The following RANBP10 variants were observed in gnomAD, a reference collection of about 807,000 sequenced individuals.
RANBP10 encodes the protein RAN binding protein 10.
Under a neutral mutation model 72.8 loss-of-function variants are expected in RANBP10, and 24 were observed. That is an observed-to-expected ratio of 0.33 (90% CI 0.24 to 0.46). The LOEUF is 0.46. RANBP10 is among the 20% of genes least tolerant of loss of function. The pLI is 1.00. For synonymous variants in RANBP10, 310 were observed against 322.3 expected, an observed-to-expected ratio of 0.96 and a Z score of 0.41; for missense variants, 679 against 817.5, an observed-to-expected ratio of 0.83 and a Z score of 2.07.
intron 3 of RANBP10, among the ~76,000 whole-genome samples, chr16:67,762,048 G>T (rs772140462): frequency 3.3e-5 from 5 of 152,182 alleles, no homozygotes; most frequent in Admixed American, 6.6e-5. Context: ...TTGAGGCCAG[G>T]AGTTCAAGAT....
intron 2 of RANBP10, among the ~76,000 whole-genome samples, chr16:67,779,753 C>T (rs2054777107): frequency 6.6e-6 from 1 of 152,160 alleles, no homozygotes; most frequent in Admixed American, 6.6e-5. Flanking sequence ...CAGTATGATG[C>T]TGGGGACATA....
intron 6 of RANBP10, among the ~76,000 whole-genome samples, chr16:67,734,149 G>A (rs1235020232): frequency 6.6e-6 from 1 of 152,212 alleles, no homozygotes; most frequent in Non-Finnish European, 1.5e-5. Context: ...CTAGCACCCT[G>A]GTGCCTTTGC....
chr16:67,746,297 C>T (rs968673376), intron 3 of RANBP10, among the ~76,000 whole-genome samples: 10 of 151,480 alleles, frequency 6.6e-5, no homozygotes, highest in Non-Finnish European at 1.0e-4. Context: ...CTGGCTAACA[C>T]GGTGAAACCC....
In RANBP10 at chr16:67,727,832, C is replaced by T. The variant is rs888917887; in HGVS notation, c.1539G>A (p.Leu513=). The change falls in exon 12 of 14, where the codon CTG becomes CTA. Residue 513 remains leucine (L), a synonymous_variant. Transcript: ENST00000317506. ...GNQAATERII[L]FGRELQALSE... ...TCAATGCCTGCAACTCGCGGCCAAA[C>T]AGAATGATCCTTTCTGTGGCAGCCT... 6.2e-6 allele frequency: 10 copies of T among 1,614,110 alleles called. No individual in the cohort carries two copies. Among genetic ancestry groups the T allele is most frequent in the Non-Finnish European group, 8.5e-6 (10 of 1,180,058 alleles).
chr16:67,799,329 C>T (rs1198898423), intron 2 of RANBP10, among the ~76,000 whole-genome samples: 2 of 149,714 alleles, frequency 1.3e-5, no homozygotes, highest in Non-Finnish European at 3.0e-5. Flanking sequence ...GCTCTGTTGC[C>T]CAGGCTGGAG....
intron 2 of RANBP10, among the ~76,000 whole-genome samples, chr16:67,794,988 C>T (rs1167601568): frequency 1.4e-5 from 2 of 148,144 alleles, no homozygotes; most frequent in South Asian, 2.2e-4. Flanking sequence ...AGTACAGTGG[C>T]TCACACCTGT....
intron 2 of RANBP10, among the ~76,000 whole-genome samples, chr16:67,779,179 G>A (rs1387640040): frequency 6.6e-6 from 1 of 152,162 alleles, no homozygotes; most frequent in African/African-American, 2.4e-5. Flanking sequence ...CTGATTGTTT[G>A]AGACCAGGAG....
Position 67,805,440 on chromosome 16 carries a change from T to C in RANBP10, c.335A>G (p.Lys112Arg), listed in dbSNP as rs1464123938. The stretch of plus-strand genomic sequence containing the variant: ...ATGAAGGGCTTACCCATCTCTTCCT[T>C]TGCTGACAATCTTCACTTCAAAGTA... ...IYYFEVKIVSKGRDGYMGIGL... is the reference protein window; with the variant it reads ...IYYFEVKIVSRGRDGYMGIGL... Residue 112 changes from lysine (K) to arginine (R), a missense_variant, in exon 2 of 14, where the codon AAA becomes AGA. By Grantham distance (26) the Lys-to-Arg change is conservative. Coordinates refer to ENST00000317506, the MANE Select transcript of RANBP10 (RefSeq NM_020850.3). 1 of 1,613,858 alleles carries C rather than the reference T, an allele frequency of 6.2e-7. No homozygotes were observed. The highest frequency in any genetic ancestry group is 1.3e-5 in the African/African-American group (1 of 74,912).
intron 3 of RANBP10, among the ~76,000 whole-genome samples, chr16:67,746,511 T>C (rs1197783454): frequency 6.6e-6 from 1 of 151,212 alleles, no homozygotes; most frequent in Non-Finnish European, 1.5e-5. Context: ...ATTAGCCAAG[T>C]GTGGTGGCGC....
chr16:67,732,308 G>A (rs2053749016), intron 6 of RANBP10, among the ~76,000 whole-genome samples: 1 of 152,212 alleles, frequency 6.6e-6, no homozygotes, highest in Non-Finnish European at 1.5e-5. Context: ...CTGACTCCCT[G>A]TAGCCATTTA....
chr16:67,737,224 G>A (rs1215318780), intron 5 of RANBP10, among the ~76,000 whole-genome samples: 7 of 106,674 alleles, frequency 6.6e-5, no homozygotes, highest in Non-Finnish European at 1.0e-4. Context: ...TTTTTGAGAC[G>A]GAGGCTCGCT....
At chr16:67,782,668 C>G (rs889492340) in intron 2 of RANBP10, among the ~76,000 whole-genome samples, 19 of 151,732 alleles carry the variant, frequency 1.3e-4, no homozygotes, top group African/African-American at 4.6e-4. Context: ...GTTGGCCAGG[C>G]TGGTCAACTC....
At chr16:67,736,785 C>A (rs2053856448) in intron 5 of RANBP10, among the ~76,000 whole-genome samples, 1 of 152,250 alleles carries the variant, frequency 6.6e-6, no homozygotes, top group Admixed American at 6.5e-5. Context: ...AGGACCACAG[C>A]CCCTCTCTGG....
At chr16:67,794,864 A>AT (rs2055097050) in intron 2 of RANBP10, among the ~76,000 whole-genome samples, 1 of 147,586 alleles carries the variant, frequency 6.8e-6, no homozygotes, top group South Asian at 2.2e-4. Context: ...AAAAAAAAAA[A>AT]TTTCAGGCCA....
At position 67,729,509 on chromosome 16, in the gene RANBP10, A is replaced by G. The variant is rs2053679921; in HGVS notation, c.1148-25T>C. The G allele has an allele frequency of 1.2e-6, 2 of 1,602,568 alleles. No individual in the cohort carries two copies. Among genetic ancestry groups the G allele is most frequent in the African/African-American group, 2.7e-5 (2 of 74,532 alleles). On this transcript the variant is annotated intron_variant, in intron 9 of 13. Transcript: ENST00000317506. The surrounding 1 kb of genome is among the most constrained non-coding windows in gnomAD (Gnocchi z 7.1). ...CCTAGAAGCCAGGGTGACAGTCAGA[A>G]GAGGAGGGGCAGCTTCCCATGAAAT...
chr16:67,731,722 T>TA, intron 6 of RANBP10, 138 bp from the exon 7 acceptor site: 2 of 626,266 alleles, frequency 3.2e-6, no homozygotes, highest in Non-Finnish European at 5.5e-6. Flanking sequence ...AGAATGAGAA[T>TA]AAAGGGGCTG....
At chr16:67,746,099 T>C (rs1462601641) in intron 3 of RANBP10, among the ~76,000 whole-genome samples, 2 of 151,018 alleles carry the variant, frequency 1.3e-5, no homozygotes, top group East Asian at 3.9e-4. Context: ...GAGGTTGCAG[T>C]GAGCCGAGAT....
chr16:67,739,439 C>T (rs879580565), intron 4 of RANBP10, among the ~76,000 whole-genome samples: 4 of 152,154 alleles, frequency 2.6e-5, no homozygotes, highest in Non-Finnish European at 5.9e-5. Flanking sequence ...CAATGTCATC[C>T]CCAAGCTGAC....
intron 2 of RANBP10, among the ~76,000 whole-genome samples, chr16:67,795,671 C>T (rs946075187): frequency 7.3e-5 from 11 of 151,428 alleles, no homozygotes; most frequent in Admixed American, 1.3e-4. Flanking sequence ...ATCGAGACCA[C>T]GGTGAAACCC....
Sources: gnomAD v4.1 joint callset for allele counts (sites outside exome capture counted in the v4.1 genomes callset) on GRCh38, gnomAD v4.1.1 for gene constraint, Gnocchi (gnomAD v3.1) non-coding constraint, MANE v1.5 for transcripts, NCBI Gene and HGNC (gene_info 2026-07-23, HGNC 2026-07-21) for gene names.